Variants in EGFLAM observed in about 807,000 individuals in gnomAD.
The protein encoded by EGFLAM is pikachurin.
A neutral mutation model predicts 113.1 loss-of-function variants in EGFLAM; 79 were observed. The observed-to-expected ratio is 0.70, with a 90% CI of 0.58 to 0.84. EGFLAM has a LOEUF of 0.84. Ranked by LOEUF, EGFLAM falls within the 40% of genes least tolerant of loss-of-function variation. The pLI, the probability that EGFLAM is intolerant of heterozygous loss-of-function variation, is 0.00. For synonymous variants in EGFLAM, 504 were observed against 487.6 expected (o/e 1.03, Z -0.44); for missense variants, 1,265 against 1,291.6 (o/e 0.98, Z 0.32).
At position 38,391,006 on chromosome 5, in the gene EGFLAM, A is replaced by C. The variant is rs910840089; in HGVS notation, c.713-15120A>C. On this transcript the variant is annotated intron_variant, in intron 6 of 21. Transcript: ENST00000322350. ...AGAAGTGTTTTAATTCAATGTAATT[A>C]AACATCTTAAGTTTTTTCTTTTTGA... 2.0e-5 allele frequency among the ~76,000 whole-genome samples: 3 copies of C among 152,282 alleles called. No individual in the cohort carries two copies. The East Asian group carries it at 5.8e-4, about 29-fold the overall frequency.
At chr5:38,329,405 AT>A (rs1386064273) in intron 1 of EGFLAM, among the ~76,000 whole-genome samples, 1 of 152,190 alleles carries the variant, frequency 6.6e-6, no homozygotes, top group African/African-American at 2.4e-5. Flanking sequence ...TAACTGATGC[AT>A]CTGGAATATT....
chr5:38,333,494 C>A (rs529031173), intron 1 of EGFLAM, among the ~76,000 whole-genome samples: 28 of 152,274 alleles, frequency 1.8e-4, no homozygotes, highest in Middle Eastern at 3.4e-3. Flanking sequence ...AATAGCCATT[C>A]TGACTGGTGT....
chr5:38,320,947 C>T (rs192186251), intron 1 of EGFLAM, among the ~76,000 whole-genome samples: 13 of 152,058 alleles, frequency 8.5e-5, no homozygotes, highest in Non-Finnish European at 1.0e-4. Flanking sequence ...GAAAGTTCCC[C>T]GACCTTTTTG....
At chr5:38,389,775 C>T (rs1032034406) in intron 6 of EGFLAM, among the ~76,000 whole-genome samples, 2 of 152,070 alleles carry the variant, frequency 1.3e-5, no homozygotes, top group African/African-American at 4.8e-5. Context: ...TTTCTATATT[C>T]ACATCCATAC....
chr5:38,392,152 T>A (rs960062137), intron 6 of EGFLAM, among the ~76,000 whole-genome samples: 9 of 152,186 alleles, frequency 5.9e-5, no homozygotes, highest in Middle Eastern at 3.2e-3. Flanking sequence ...GTTTTTCTTC[T>A]TCGTGTTCAT....
intron 5 of EGFLAM, among the ~76,000 whole-genome samples, chr5:38,353,535 C>T (rs1215847970): frequency 6.6e-6 from 1 of 152,202 alleles, no homozygotes; most frequent in African/African-American, 2.4e-5. Context: ...CTAGCCTATT[C>T]CTTGGTAATG....
At chr5:38,305,347 C>T in intron 1 of EGFLAM, 1 of 326,820 alleles carries the variant, frequency 3.1e-6, no homozygotes, top group South Asian at 2.6e-5. Context: ...TTATTTCTAA[C>T]CTAGAATTCC....
At chr5:38,362,011 A>G (rs913039971) in intron 5 of EGFLAM, among the ~76,000 whole-genome samples, 2 of 152,130 alleles carry the variant, frequency 1.3e-5, no homozygotes, top group African/African-American at 2.4e-5. Context: ...AAGTAATTCA[A>G]TGAATCCTTT....
At chr5:38,410,345 C>T (rs1335415187) in intron 10 of EGFLAM, among the ~76,000 whole-genome samples, 2 of 152,136 alleles carry the variant, frequency 1.3e-5, no homozygotes, top group South Asian at 2.1e-4. Context: ...CTTGGAGGAT[C>T]GGATAGACTC....
In EGFLAM at chr5:38,268,207, G is replaced by A. The variant is rs115330715; in HGVS notation, c.97+9356G>A. Among the ~76,000 whole-genome samples, 1,118 of 152,202 alleles carry A rather than the reference G, an allele frequency of 7.3e-3. 19 individuals carry two copies. The highest frequency in any genetic ancestry group is 0.026 in the African/African-American group (1,059 of 41,502). ...CCTATTGTAATAAATCCAAATCTGGGTGGCTTGACACAAAATTTATTTTTT... is the reference window on the plus strand; with the variant it reads ...CCTATTGTAATAAATCCAAATCTGGATGGCTTGACACAAAATTTATTTTTT... On this transcript the variant is annotated intron_variant, in intron 1 of 21. Transcript: ENST00000322350.
rs1743150784 is a variant in EGFLAM, at chr5:38,458,180, T to C, written c.2688-131T>C. 3 of 721,148 alleles carry C rather than the reference T, an allele frequency of 4.2e-6. No individual in the cohort carries two copies. In the South Asian group the frequency reaches 7.7e-5, roughly 18 times the overall value. 44.7% of individuals were successfully genotyped at this position (721,148 alleles called of 1,614,324 possible). On this transcript the variant is annotated intron_variant, in intron 19 of 21. Coordinates refer to ENST00000322350, the MANE Select transcript of EGFLAM (RefSeq NM_152403.4). ...AAACCCAACAACTTTTATAACACTC[T>C]TGTTTTTTGTTAAGGAAACTGCACT...
chr5:38,406,254 T>C lies in EGFLAM; in HGVS notation c.828+13T>C, dbSNP rs774758454. The C allele has an allele frequency of 1.2e-6, 2 of 1,609,660 alleles. No individual in the cohort carries two copies. The highest frequency in any genetic ancestry group is 3.3e-5 in the Admixed American group (2 of 59,930). On this transcript the variant is annotated intron_variant, in intron 7 of 21. Transcript: ENST00000322350. ...TTCCTTTGAGGAGGTAACAATAATC[T>C]CTGCTCTTAAAACCCAGGGTGTTTG... is the stretch of plus-strand genomic sequence containing the variant.
intron 6 of EGFLAM, chr5:38,401,910 G>A (rs1036832559): frequency 2.6e-5 from 4 of 152,206 alleles, no homozygotes; most frequent in African/African-American, 9.6e-5. Flanking sequence ...CCCCATCCAG[G>A]AGAAGATGAA....
chr5:38,363,901 C>T (rs764257002), intron 5 of EGFLAM, among the ~76,000 whole-genome samples: 17 of 152,148 alleles, frequency 1.1e-4, no homozygotes, highest in Non-Finnish European at 1.8e-4. Context: ...GTCTCAACTG[C>T]TCAACTCTGC....
Position 38,265,657 on chromosome 5 carries a change from C to A in EGFLAM, c.97+6806C>A, listed in dbSNP as rs1757615160. 2.0e-5 allele frequency among the ~76,000 whole-genome samples: 3 copies of A among 152,170 alleles called. No individual in the cohort carries two copies. The South Asian group carries it at 6.2e-4, about 32-fold the overall frequency. ...TGTAGCTTCAGCCTCCTGAAATGAG[C>A]GGGGGTACTTTTGCTTCCTTGCAGA... On this transcript the variant is annotated intron_variant, in intron 1 of 21. Coordinates refer to ENST00000322350, the MANE Select transcript of EGFLAM (RefSeq NM_152403.4).
chr5:38,367,904 C>G (rs183881841), intron 5 of EGFLAM, among the ~76,000 whole-genome samples: 2 of 152,194 alleles, frequency 1.3e-5, no homozygotes, highest in South Asian at 4.1e-4. Flanking sequence ...GTCTCTCTCA[C>G]TCTATAGAAT....
chr5:38,307,575 C>A (rs1161055293), intron 1 of EGFLAM, among the ~76,000 whole-genome samples: 2 of 152,224 alleles, frequency 1.3e-5, no homozygotes, highest in Non-Finnish European at 2.9e-5. Flanking sequence ...TTATAAATTA[C>A]CCAGTCTCAG....
intron 17 of EGFLAM, chr5:38,445,762 C>G (rs1211796937): frequency 1.3e-6 from 2 of 1,554,572 alleles, no homozygotes; most frequent in African/African-American, 2.7e-5. Flanking sequence ...GCAGGCCAAC[C>G]GCATGCAGGG....
In EGFLAM at chr5:38,427,175, A is replaced by C. The variant is rs1742041575; in HGVS notation, c.1977A>C (p.Lys659Asn). 6.2e-7 allele frequency: 1 copy of C among 1,614,176 alleles called. No homozygotes were observed. Among genetic ancestry groups the C allele is most frequent in the African/African-American group, 1.3e-5 (1 of 75,032 alleles). ...TGTACAGCTATGACACAGGCAGCAA[A>C]GACTTCCTGTCCATCAACTTGGCAG... is the stretch of plus-strand genomic sequence containing the variant. ...VLLYSYDTGS[K>N]DFLSINLAGG... The change falls in exon 14 of 22, where the codon AAA becomes AAC. Residue 659 changes from lysine (K) to asparagine (N), a missense_variant. Lys to Asn is a moderately conservative substitution (Grantham distance 94). Transcript: ENST00000322350.
Sources: gnomAD v4.1 joint callset for allele counts (sites outside exome capture counted in the v4.1 genomes callset) on GRCh38, gnomAD v4.1.1 for gene constraint, MANE v1.5 for transcripts, NCBI Gene and HGNC (gene_info 2026-07-23, HGNC 2026-07-21) for gene names.